RBM47: variants seen among roughly 807,000 people sequenced by gnomAD.
RBM47 encodes the protein RNA binding motif protein 47, also known as RNA-binding protein 47.
RBM47 carries 21 observed loss-of-function variants against 47.1 expected under a neutral mutation model. The observed-to-expected ratio is 0.45, with a 90% CI of 0.32 to 0.64. The LOEUF (loss-of-function observed/expected upper bound fraction) is 0.64. Ranked by LOEUF, RBM47 falls within the 30% of genes least tolerant of loss-of-function variation. RBM47 has a pLI of 0.05. For missense variants in RBM47, 708 were observed against 870.9 expected (o/e 0.81, Z 2.35); for synonymous variants, 375 against 361.7 (o/e 1.04, Z -0.42).
At chr4:40,494,872 T>C (rs1004185433) in intron 2 of RBM47, among the ~76,000 whole-genome samples, 2 of 152,212 alleles carry the variant, frequency 1.3e-5, no homozygotes, top group Non-Finnish European at 2.9e-5. Flanking sequence ...GACCAAAGCA[T>C]GTCATGCTGC....
chr4:40,570,517 G>A (rs948703640), intron 1 of RBM47, among the ~76,000 whole-genome samples: 2 of 151,920 alleles, frequency 1.3e-5, no homozygotes, highest in Non-Finnish European at 2.9e-5. Flanking sequence ...GATGGGGAAC[G>A]ACTGTAAATA....
chr4:40,549,034 A>C (rs945846174), intron 1 of RBM47, among the ~76,000 whole-genome samples: 1 of 151,714 alleles, frequency 6.6e-6, no homozygotes. Flanking sequence ...ACTTATCCTC[A>C]TCAGGAAACT....
At chr4:40,529,803 T>G (rs963819362) in intron 2 of RBM47, among the ~76,000 whole-genome samples, 2 of 148,414 alleles carry the variant, frequency 1.3e-5, no homozygotes, top group Non-Finnish European at 3.0e-5. Flanking sequence ...CACTCCAGCC[T>G]GGGCAACAAA....
intron 2 of RBM47, among the ~76,000 whole-genome samples, chr4:40,477,619 CGT>C (rs1719806641): frequency 6.6e-6 from 1 of 152,040 alleles, no homozygotes; most frequent in Non-Finnish European, 1.5e-5. Flanking sequence ...AGTGTGTGCA[CGT>C]GTGCTCCTAT....
intron 1 of RBM47, among the ~76,000 whole-genome samples, chr4:40,605,142 G>A (rs1011177022): frequency 1.3e-5 from 2 of 151,034 alleles, no homozygotes; most frequent in Admixed American, 1.3e-4. Flanking sequence ...CCTGCCTCAG[G>A]CCCCCAAGTA....
chr4:40,477,667 A>G (rs1719812057), intron 2 of RBM47, among the ~76,000 whole-genome samples: 1 of 152,192 alleles, frequency 6.6e-6, no homozygotes, highest in African/African-American at 2.4e-5. Flanking sequence ...AGGCAAAAAC[A>G]TAGGAAATAA....
At chr4:40,552,471 G>T (rs1729655520) in intron 1 of RBM47, among the ~76,000 whole-genome samples, 1 of 152,122 alleles carries the variant, frequency 6.6e-6, no homozygotes, top group South Asian at 2.1e-4. Context: ...TTCAACTATT[G>T]ACGTGTTAAA....
intron 1 of RBM47, among the ~76,000 whole-genome samples, chr4:40,551,169 T>C (rs138141657): frequency 6.6e-6 from 1 of 152,288 alleles, no homozygotes; most frequent in East Asian, 1.9e-4. Context: ...ATGAGAGGTA[T>C]ACACACATCA....
intron 2 of RBM47, among the ~76,000 whole-genome samples, chr4:40,485,736 C>A (rs185066322): frequency 6.6e-6 from 1 of 151,870 alleles, no homozygotes; most frequent in Admixed American, 6.6e-5. Flanking sequence ...AAAATTGGGA[C>A]AACACATTAA....
chr4:40,438,912 A>G lies in RBM47; in HGVS notation c.-19T>C. 1 of 1,515,326 alleles carries G rather than the reference A, an allele frequency of 6.6e-7. No homozygotes were observed. Among genetic ancestry groups the G allele is most frequent in the Non-Finnish European group, 8.8e-7 (1 of 1,133,826 alleles). 93.9% of individuals were successfully genotyped at this position (1,515,326 alleles called of 1,614,324 possible). A position where few individuals can be genotyped will look rare whatever the true frequency, so the allele number is the denominator to read the frequency against. On this transcript the variant is annotated 5_prime_UTR_variant, in exon 4 of 7. Coordinates refer to ENST00000295971, the MANE Select transcript of RBM47 (RefSeq NM_001098634.2). ...CGGTCATAATGTCAAAGGCATCCAC[A>G]GCTGGCGGAAACCTGGGGAAGCAGA...
In RBM47 at chr4:40,607,877, G is replaced by T. The variant is rs374298812; in HGVS notation, c.-240+21519C>A. Among the ~76,000 whole-genome samples the T allele has an allele frequency of 2.0e-4, 30 of 152,232 alleles. 1 individual carries two copies. The highest frequency in any genetic ancestry group is 1.5e-3 in the South Asian group (7 of 4,824). On this transcript the variant is annotated intron_variant, in intron 1 of 6. Transcript: ENST00000295971. Reference sequence around the variant, plus strand: ...CCTAGCACTTTGGGAGGTTGAGGCGGAAAGATTGCCTGTGTTCAAGAGTTG... The same window carrying T: ...CCTAGCACTTTGGGAGGTTGAGGCGTAAAGATTGCCTGTGTTCAAGAGTTG...
intron 2 of RBM47, among the ~76,000 whole-genome samples, chr4:40,492,243 G>A (rs1214150521): frequency 1.3e-5 from 2 of 151,984 alleles, no homozygotes; most frequent in Admixed American, 6.6e-5. Context: ...GGGGGTATGC[G>A]CCTGTAGTCC....
intron 2 of RBM47, among the ~76,000 whole-genome samples, chr4:40,530,119 A>G (rs1233562761): frequency 6.6e-6 from 1 of 150,906 alleles, no homozygotes; most frequent in Non-Finnish European, 1.5e-5. Flanking sequence ...CATTTTTAGT[A>G]GAGACGGGGT....
At chr4:40,432,017 AT>A (rs67566145) in intron 6 of RBM47, among the ~76,000 whole-genome samples, 1,835 of 88,656 alleles carry the variant, frequency 0.021, 14 homozygotes, top group Non-Finnish European at 0.038. Flanking sequence ...TGCCAGGCTA[AT>A]TTAAAAAAAA....
intron 2 of RBM47, among the ~76,000 whole-genome samples, chr4:40,478,009 C>CTTTTTTTTTT (rs1194806938): frequency 1.2e-5 from 1 of 86,412 alleles, no homozygotes; most frequent in Non-Finnish European, 2.1e-5. Context: ...GTGGCATGTT[C>CTTTTTTTTTT]TTTTTTTTTT....
rs1232883157 is a variant in RBM47 at position 40,438,552 on chromosome 4, G to C, written c.342C>G (p.Ala114=). The C allele has an allele frequency of 6.2e-7, 1 of 1,613,930 alleles. No individual in the cohort carries two copies. The highest frequency in any genetic ancestry group is 2.2e-5 in the East Asian group (1 of 44,884). ...MDFDGKNRGY[A]FVMYCHKHEA... ...CGTGCTTGTGGCAGTACATGACGAA[G>C]GCGTAGCCGCGGTTCTTGCCGTCAA... Residue 114 remains alanine (A), a synonymous_variant, in exon 4 of 7, where the codon GCC becomes GCG. Transcript: ENST00000295971.
intron 1 of RBM47, among the ~76,000 whole-genome samples, chr4:40,565,184 AT>A (rs1191970813): frequency 1.3e-5 from 2 of 152,268 alleles, no homozygotes; most frequent in East Asian, 3.9e-4. Context: ...CCCAAATGGC[AT>A]TTTCATTAAT....
chr4:40,476,251 T>C lies in RBM47; in HGVS notation c.-154-9552A>G, dbSNP rs114765783. ...GCATATAGAAAGTACTCAAAAAGTG[T>C]TACTAGGATTTCTTAGAAATGTTAT... On this transcript the variant is annotated intron_variant, in intron 2 of 6. Transcript: ENST00000295971. Among the ~76,000 whole-genome samples the C allele has an allele frequency of 8.6e-3, 1,302 of 152,222 alleles. 24 individuals carry two copies. The highest frequency in any genetic ancestry group is 0.03 in the African/African-American group (1,238 of 41,532).
intron 3 of RBM47, among the ~76,000 whole-genome samples, chr4:40,457,940 C>T (rs1239359117): frequency 1.3e-5 from 2 of 151,762 alleles, no homozygotes; most frequent in African/African-American, 4.8e-5. Flanking sequence ...ATAATGAGAC[C>T]CCACCTCTAA....
Sources: gnomAD v4.1 joint callset for allele counts (sites outside exome capture counted in the v4.1 genomes callset) on GRCh38, gnomAD v4.1.1 for gene constraint, MANE v1.5 for transcripts, NCBI Gene and HGNC (gene_info 2026-07-23, HGNC 2026-07-21) for gene names.